DNPEP: variants seen among roughly 807,000 people sequenced by gnomAD.
DNPEP encodes the protein aspartyl aminopeptidase.
In DNPEP, 46 loss-of-function variants were observed where a neutral mutation model predicts 59.1. The ratio of observed to expected loss-of-function variants is 0.78; its 90% CI spans 0.61 to 0.99. The LOEUF (loss-of-function observed/expected upper bound fraction) is 0.99, where lower values mean the gene tolerates loss of function less well. Ranked by LOEUF, DNPEP falls within the 50% of genes least tolerant of loss-of-function variation. DNPEP has a pLI of 0.00. For synonymous variants in DNPEP, 229 were observed against 242.2 expected (o/e 0.95, Z 0.50); for missense variants, 617 against 649.9 (o/e 0.95, Z 0.55).
intron 13 of DNPEP, among the ~76,000 whole-genome samples, chr2:219,376,059 T>G (rs1953358408): frequency 6.6e-6 from 1 of 152,086 alleles, no homozygotes; most frequent in Non-Finnish European, 1.5e-5. Flanking sequence ...GCAAGGAGAC[T>G]TCCAAGAGTC....
At chr2:219,374,794 C>A in intron 14 of DNPEP, 61 bp downstream of exon 14, 1 of 1,566,472 alleles carries the variant, frequency 6.4e-7, no homozygotes, top group Non-Finnish European at 8.7e-7. Flanking sequence ...TCCCAGCAAC[C>A]AATCCAGGCA....
chr2:219,384,369 C>T lies in DNPEP; in HGVS notation c.849G>A (p.Leu283=). 2 of 1,609,516 alleles carry T rather than the reference C, an allele frequency of 1.2e-6. No individual in the cohort carries two copies. Among genetic ancestry groups the T allele is most frequent in the Non-Finnish European group, 1.7e-6 (2 of 1,177,980 alleles). ...LDNLHSCFCA[L]QALIDSCAGP... is the part of the protein sequence containing the mutation. ...CTGGGGCGCCCCGGCTCCTCACCTGCAGGGCACAGAAGCAGCTGTGCAGAT... is the reference window on the plus strand; with the variant it reads ...CTGGGGCGCCCCGGCTCCTCACCTGTAGGGCACAGAAGCAGCTGTGCAGAT... The change falls in exon 9 of 15, where the codon CTG becomes CTA. Residue 283 remains leucine (L), a synonymous_variant. Transcript: ENST00000273075.
At chr2:219,388,338 G>A (rs1574995462), upstream of DNPEP, among the ~76,000 whole-genome samples, 1 of 68,220 alleles carries the variant, frequency 1.5e-5, no homozygotes, top group African/African-American at 5.8e-5. Flanking sequence ...AGGCCTCCTT[G>A]CGCTCCCCGC....
chr2:219,387,043 T>G, intron 2 of DNPEP, 27 bp downstream of exon 2: 2 of 1,611,408 alleles, frequency 1.2e-6, no homozygotes, highest in Non-Finnish European at 1.7e-6. Flanking sequence ...GCCTCCACCC[T>G]CCTCCCTTGC....
At chr2:219,375,353 T>G (rs1164007054) in intron 13 of DNPEP, among the ~76,000 whole-genome samples, 1 of 152,134 alleles carries the variant, frequency 6.6e-6, no homozygotes, top group Non-Finnish European at 1.5e-5. Context: ...TTTAAAAATA[T>G]TGCTACTGAC....
intron 9 of DNPEP, 125 bp downstream of exon 9, chr2:219,384,241 C>G (rs944581103): frequency 2.2e-6 from 2 of 893,394 alleles, no homozygotes; most frequent in Admixed American, 4.9e-5. Flanking sequence ...CCAGCACCAG[C>G]AGACTGAGCG....
At chr2:219,398,565 G>A (rs1019574370) in intron 1 of DNPEP, among the ~76,000 whole-genome samples, 1 of 151,992 alleles carries the variant, frequency 6.6e-6, no homozygotes, top group Non-Finnish European at 1.5e-5. Context: ...CAGGAGAATC[G>A]CTTGAACCCA....
At chr2:219,380,345 C>T (rs1254435824) in intron 13 of DNPEP, among the ~76,000 whole-genome samples, 2 of 151,784 alleles carry the variant, frequency 1.3e-5, no homozygotes, top group Non-Finnish European at 2.9e-5. Flanking sequence ...GGAAGGCCTC[C>T]CAAGTAGCTG....
chr2:219,399,937 C>T (rs1440853562), intron 1 of DNPEP: 4 of 1,549,960 alleles, frequency 2.6e-6, no homozygotes, highest in Non-Finnish European at 3.5e-6. Flanking sequence ...GTGACCTGCT[C>T]ACCTCCTCCC....
intron 13 of DNPEP, among the ~76,000 whole-genome samples, chr2:219,376,350 T>C (rs1402925603): frequency 2.0e-5 from 3 of 151,918 alleles, no homozygotes; most frequent in Non-Finnish European, 1.5e-5. Flanking sequence ...CAGCCGGGCA[T>C]GGTGGTGCAT....
Position 219,383,128 on chromosome 2 carries a change from T to A in DNPEP, c.936+3A>T. The stretch of plus-strand genomic sequence containing the variant: ...GTGACCCTCCCCAGAACCCTCCACG[T>A]ACCTCTTCGTTGTCATAGAGTGTGA... On this transcript the variant is annotated splice_donor_region_variant and intron_variant, in intron 10 of 14. Transcript: ENST00000273075. 2 of 1,613,916 alleles carry A rather than the reference T, an allele frequency of 1.2e-6. No homozygotes were observed. The highest frequency in any genetic ancestry group is 1.7e-6 in the Non-Finnish European group (2 of 1,179,760).
chr2:219,382,251 G>A (rs1347478515), intron 10 of DNPEP, 112 bp from the exon 11 acceptor site: 2 of 1,271,548 alleles, frequency 1.6e-6, no homozygotes, highest in Admixed American at 2.2e-5. Flanking sequence ...GAGTCACTGG[G>A]TGTTCTTAGC....
chr2:219,383,024 T>C (rs779964875), intron 10 of DNPEP, 107 bp downstream of exon 10: 18 of 944,946 alleles, frequency 1.9e-5, no homozygotes, highest in Non-Finnish European at 2.8e-5. Context: ...GCATCTCCCC[T>C]GTCTTGGGGC....
In DNPEP at chr2:219,383,181, G is replaced by T. The variant is rs771337391; in HGVS notation, c.886C>A (p.Leu296Met). The T allele has an allele frequency of 6.2e-7, 1 of 1,614,096 alleles. No homozygotes were observed. The highest frequency in any genetic ancestry group is 1.3e-5 in the African/African-American group (1 of 74,952). ...ATGCGCACGTGAGGCTCTGTGGCCA[G>T]GGAGCCAGGGCCTGCACAGGAATCT... Reference protein sequence around the residue: ...LIDSCAGPGSLATEPHVRMVT... With the variant: ...LIDSCAGPGSMATEPHVRMVT... The change falls in exon 10 of 15, where the codon CTG becomes ATG. Residue 296 changes from leucine (L) to methionine (M), a missense_variant. By Grantham distance (15) the Leu-to-Met change is conservative. Coordinates refer to ENST00000273075, the MANE Select transcript of DNPEP (RefSeq NM_012100.4).
intron 1 of DNPEP, 176 bp from the exon 2 acceptor site, chr2:219,387,339 T>A: frequency 7.0e-7 from 1 of 1,437,328 alleles, no homozygotes. Context: ...CGTTGAAAGC[T>A]TCAGCCCGCC....
intron 13 of DNPEP, 136 bp downstream of exon 13, chr2:219,381,199 C>T: frequency 1.3e-6 from 1 of 768,138 alleles, no homozygotes; most frequent in Non-Finnish European, 2.2e-6. Context: ...ATCCAAAATC[C>T]CTGCTTTTCT....
chr2:219,384,417 G>A lies in DNPEP; in HGVS notation c.801C>T (p.Phe267=). ...PAVLGGAYDE[F]IFAPRLDNLH... ...GATTGTCCAGCCGAGGAGCAAAGAT[G>A]AACTCATCATAGGCACCACCCAAGA... Residue 267 remains phenylalanine (F), a synonymous_variant, in exon 9 of 15, where the codon TTC becomes TTT. Coordinates refer to ENST00000273075, the MANE Select transcript of DNPEP (RefSeq NM_012100.4). 1.2e-6 allele frequency: 2 copies of A among 1,611,882 alleles called. No individual in the cohort carries two copies. Among genetic ancestry groups the A allele is most frequent in the Non-Finnish European group, 1.7e-6 (2 of 1,179,000 alleles).
upstream of DNPEP, chr2:219,388,695 A>G (rs1953957767): frequency 1.0e-6 from 1 of 985,590 alleles, no homozygotes; most frequent in Admixed American, 6.1e-5. Flanking sequence ...TCGCCCCTCC[A>G]GCTCACCGGG....
intron 5 of DNPEP, 85 bp from the exon 6 acceptor site, chr2:219,386,183 C>T: frequency 1.2e-6 from 2 of 1,608,778 alleles, no homozygotes; most frequent in Admixed American, 1.7e-5. Context: ...GCAGGGTGGT[C>T]CTCTGACCAG....
Sources: allele counts gnomAD v4.1 joint callset (sites outside exome capture counted in the v4.1 genomes callset), GRCh38; gene constraint gnomAD v4.1.1; transcripts MANE v1.5; gene names NCBI Gene and HGNC (gene_info 2026-07-23, HGNC 2026-07-21).